Variants in CFAP299 observed in about 807,000 individuals in gnomAD.
CFAP299 encodes the protein cilia and flagella associated protein 299.
In CFAP299, 21 loss-of-function variants were observed where a neutral mutation model predicts 27.0. The ratio of observed to expected loss-of-function variants is 0.78; its 90% CI spans 0.55 to 1.12. CFAP299 has a LOEUF of 1.12. Among genes scored for constraint, CFAP299 ranks in the 50% most tolerant of loss-of-function variants. The pLI is 0.00. For missense variants in CFAP299, 310 were observed against 276.6 expected (o/e 1.12, Z -0.86); for synonymous variants, 104 against 98.1 (o/e 1.06, Z -0.36).
At chr4:80,399,239 G>T (rs1578401089) in intron 2 of CFAP299, among the ~76,000 whole-genome samples, 1 of 152,276 alleles carries the variant, frequency 6.6e-6, no homozygotes, top group East Asian at 1.9e-4. Flanking sequence ...TTGCACTGTT[G>T]GTGGGACTGC....
intron 2 of CFAP299, among the ~76,000 whole-genome samples, chr4:80,435,948 A>G (rs1194013347): frequency 6.6e-6 from 1 of 152,142 alleles, no homozygotes. Context: ...ATCTATCTTT[A>G]ATGTAAAGAG....
chr4:80,415,094 G>A (rs955112593), intron 2 of CFAP299, among the ~76,000 whole-genome samples: 7 of 152,172 alleles, frequency 4.6e-5, no homozygotes, highest in Non-Finnish European at 1.0e-4. Flanking sequence ...CAGAAGTCTA[G>A]TGGTTTTGCA....
At chr4:80,558,357 TG>T (rs147449663) in intron 2 of CFAP299, among the ~76,000 whole-genome samples, 8,112 of 137,620 alleles carry the variant, frequency 0.059, 304 homozygotes, top group African/African-American at 0.075. Flanking sequence ...TTTGTTTGTT[TG>T]TTTGTTTGTT....
At chr4:80,465,532 T>C (rs1009089782) in intron 2 of CFAP299, among the ~76,000 whole-genome samples, 1 of 152,156 alleles carries the variant, frequency 6.6e-6, no homozygotes, top group South Asian at 2.1e-4. Context: ...GAGGGACCCA[T>C]GCATGTGCTA....
intron 3 of CFAP299, among the ~76,000 whole-genome samples, chr4:80,680,484 G>A (rs767935096): frequency 4.3e-4 from 65 of 151,962 alleles, no homozygotes; most frequent in African/African-American, 1.3e-3. Flanking sequence ...ATAGCCCAAC[G>A]ACACATCAGA....
chr4:80,391,442 T>C (rs779588738), intron 2 of CFAP299, among the ~76,000 whole-genome samples: 18 of 152,172 alleles, frequency 1.2e-4, no homozygotes, highest in Non-Finnish European at 2.1e-4. Flanking sequence ...CTCATTGTGG[T>C]TCCGATTTGC....
chr4:80,691,722 G>T (rs559444287), intron 3 of CFAP299, among the ~76,000 whole-genome samples: 3 of 151,854 alleles, frequency 2.0e-5, no homozygotes, highest in East Asian at 3.9e-4. Flanking sequence ...GGAAATAAAG[G>T]GTATTCAATT....
intron 3 of CFAP299, among the ~76,000 whole-genome samples, chr4:80,800,772 T>C (rs539646300): frequency 1.3e-4 from 18 of 134,050 alleles, no homozygotes; most frequent in African/African-American, 4.9e-4. Context: ...TGTGTGTATA[T>C]ATATATATGT....
intron 2 of CFAP299, among the ~76,000 whole-genome samples, chr4:80,463,902 C>T (rs953379485): frequency 5.3e-5 from 8 of 152,084 alleles, no homozygotes; most frequent in African/African-American, 1.2e-4. Context: ...CATGCACAAA[C>T]GTTCAAGCTC....
chr4:80,885,241 C>A (rs1733915957), intron 4 of CFAP299, among the ~76,000 whole-genome samples: 1 of 152,210 alleles, frequency 6.6e-6, no homozygotes. Flanking sequence ...TCCACTACTA[C>A]AAGCTGAAGT....
At chr4:80,671,705 C>T (rs1186142821) in intron 3 of CFAP299, among the ~76,000 whole-genome samples, 1 of 152,024 alleles carries the variant, frequency 6.6e-6, no homozygotes, top group Admixed American at 6.6e-5. Flanking sequence ...TGAAGAAGTC[C>T]TTCATATCCC....
chr4:80,658,186 A>G (rs192148008), intron 3 of CFAP299, among the ~76,000 whole-genome samples: 24 of 152,280 alleles, frequency 1.6e-4, no homozygotes, highest in African/African-American at 5.1e-4. Context: ...AACAGGGACA[A>G]TTTGACTTCT....
chr4:80,522,279 CT>C (rs747132105), intron 2 of CFAP299, among the ~76,000 whole-genome samples: 1 of 151,770 alleles, frequency 6.6e-6, no homozygotes, highest in Non-Finnish European at 1.5e-5. Flanking sequence ...TTTTTATATA[CT>C]TGTTAATCAT....
At chr4:80,777,524 T>C (rs1726621648) in intron 3 of CFAP299, among the ~76,000 whole-genome samples, 1 of 152,168 alleles carries the variant, frequency 6.6e-6, no homozygotes, top group Non-Finnish European at 1.5e-5. Context: ...ATATAAGTCA[T>C]GTGGATATAA....
At chr4:80,574,625 G>T (rs1316566948) in intron 2 of CFAP299, among the ~76,000 whole-genome samples, 1 of 152,006 alleles carries the variant, frequency 6.6e-6, no homozygotes, top group East Asian at 1.9e-4. Context: ...TGTTTTGGGG[G>T]TATGTTCCTT....
chr4:80,638,562 A>G (rs528051972), intron 3 of CFAP299, among the ~76,000 whole-genome samples: 1 of 152,328 alleles, frequency 6.6e-6, no homozygotes, highest in South Asian at 2.1e-4. Flanking sequence ...CACGGAGTCC[A>G]ACACTTGAGT....
chr4:80,851,304 C>T (rs1199879833), intron 3 of CFAP299, among the ~76,000 whole-genome samples: 1 of 152,106 alleles, frequency 6.6e-6, no homozygotes, highest in African/African-American at 2.4e-5. Flanking sequence ...TATTTTTAAG[C>T]ATCTACTATG....
chr4:80,459,368 CAG>C (rs1339956063), intron 2 of CFAP299, among the ~76,000 whole-genome samples: 5 of 152,156 alleles, frequency 3.3e-5, no homozygotes, highest in African/African-American at 1.2e-4. Flanking sequence ...AGGGAAGAAT[CAG>C]GGGAGAAGGG....
intron 1 of CFAP299, among the ~76,000 whole-genome samples, chr4:80,341,774 T>C (rs561658880): frequency 6.6e-6 from 1 of 152,266 alleles, no homozygotes; most frequent in Admixed American, 6.5e-5. Flanking sequence ...TTCCTCCAAA[T>C]AACTGCAACA....
Sources: allele counts gnomAD v4.1 joint callset (sites outside exome capture counted in the v4.1 genomes callset), GRCh38; gene constraint gnomAD v4.1.1; transcripts MANE v1.5; gene names NCBI Gene and HGNC (gene_info 2026-07-23, HGNC 2026-07-21).